The following NRF1 variants were observed in gnomAD, a reference collection of about 807,000 sequenced individuals.
The protein encoded by NRF1 is alpha palindromic-binding protein.
NRF1 carries 5 observed loss-of-function variants against 58.5 expected under a neutral mutation model. The ratio of observed to expected loss-of-function variants is 0.09; its 90% confidence interval spans 0.04 to 0.18. The LOEUF is 0.18. NRF1 is among the 10% of genes least tolerant of loss of function. NRF1 has a pLI of 1.00. For missense variants in NRF1, 288 were observed against 657.7 expected (o/e 0.44, Z 6.15); for synonymous variants, 224 against 246.7 (o/e 0.91, Z 0.86).
chr7:129,715,973 C>A (rs1803178580), intron 8 of NRF1, among the ~76,000 whole-genome samples: 1 of 151,750 alleles, frequency 6.6e-6, no homozygotes, highest in South Asian at 2.1e-4. Context: ...CCACTGCACT[C>A]CAGCCTGGGC....
chr7:129,696,128 C>T (rs987957988), intron 5 of NRF1, among the ~76,000 whole-genome samples: 15 of 150,218 alleles, frequency 1.0e-4, no homozygotes, highest in Non-Finnish European at 2.1e-4. Flanking sequence ...CCTGTAATCC[C>T]AGCTACTCAG....
intron 4 of NRF1, among the ~76,000 whole-genome samples, chr7:129,682,601 T>C (rs893539919): frequency 2.6e-4 from 35 of 134,602 alleles, no homozygotes; most frequent in Non-Finnish European, 4.4e-4. Context: ...CTAGGCAACA[T>C]AGTGAGACCC....
At chr7:129,682,729 G>A in intron 4 of NRF1, among the ~76,000 whole-genome samples, 1 of 151,760 alleles carries the variant, frequency 6.6e-6, no homozygotes. Context: ...TTGAGCCTAG[G>A]AGTTCAAGGA....
intron 10 of NRF1, among the ~76,000 whole-genome samples, chr7:129,752,643 GGAGTTC>G (rs1804147109): frequency 1.3e-5 from 2 of 152,026 alleles, no homozygotes; most frequent in Admixed American, 1.3e-4. Flanking sequence ...CTTGAGCTCA[GGAGTTC>G]AAGACCAACC....
chr7:129,624,423 G>A (rs1033751840), intron 1 of NRF1, among the ~76,000 whole-genome samples: 5 of 152,276 alleles, frequency 3.3e-5, no homozygotes, highest in South Asian at 2.1e-4. Flanking sequence ...GAAACCTGGC[G>A]AAACTCATTT....
chr7:129,658,528 G>A (rs985554809), intron 2 of NRF1, among the ~76,000 whole-genome samples: 6 of 151,536 alleles, frequency 4.0e-5, no homozygotes, highest in Admixed American at 3.3e-4. Context: ...GTGTTTGAGG[G>A]TGCAGTGAGC....
intron 1 of NRF1, chr7:129,633,884 T>G (rs1801106447): frequency 6.6e-6 from 1 of 151,492 alleles, no homozygotes; most frequent in Non-Finnish European, 1.5e-5. Flanking sequence ...ATATATAAAC[T>G]ATAAATCTGT....
chr7:129,718,628 TAA>T (rs1470651801), intron 9 of NRF1, among the ~76,000 whole-genome samples: 1 of 152,200 alleles, frequency 6.6e-6, no homozygotes, highest in African/African-American at 2.4e-5. Context: ...AATTGTATGG[TAA>T]AGACTGTGAA....
chr7:129,619,447 C>CACAT (rs1554401493), intron 1 of NRF1, among the ~76,000 whole-genome samples: 4 of 80,402 alleles, frequency 5.0e-5, no homozygotes, highest in South Asian at 4.7e-4. Flanking sequence ...CACACACACA[C>CACAT]ATATATATAC....
chr7:129,659,174 G>A (rs1287314940), intron 2 of NRF1, among the ~76,000 whole-genome samples: 1 of 145,068 alleles, frequency 6.9e-6, no homozygotes, highest in Admixed American at 7.2e-5. Context: ...TGCCTCCTGG[G>A]TTGGAGCAAC....
chr7:129,648,673 T>A (rs1801467466), intron 1 of NRF1, among the ~76,000 whole-genome samples: 1 of 152,164 alleles, frequency 6.6e-6, no homozygotes, highest in South Asian at 2.1e-4. Flanking sequence ...TGTTTCCATC[T>A]CCTGCTAATA....
intron 1 of NRF1, among the ~76,000 whole-genome samples, chr7:129,613,337 A>G (rs1002923874): frequency 2.0e-5 from 3 of 152,146 alleles, no homozygotes; most frequent in Non-Finnish European, 4.4e-5. Context: ...CCGACTCCCT[A>G]AAATTGTATT....
At chr7:129,633,152 G>T (rs1801088527) in intron 1 of NRF1, among the ~76,000 whole-genome samples, 1 of 152,160 alleles carries the variant, frequency 6.6e-6, no homozygotes, top group Non-Finnish European at 1.5e-5. Flanking sequence ...AAACACCATA[G>T]AAGTGGCATC....
chr7:129,644,026 G>A (rs1001240265), intron 1 of NRF1, among the ~76,000 whole-genome samples: 6 of 152,210 alleles, frequency 3.9e-5, no homozygotes, highest in African/African-American at 1.2e-4. Flanking sequence ...GGAGCCTGAC[G>A]AGCTTCTGAC....
intron 1 of NRF1, among the ~76,000 whole-genome samples, chr7:129,619,474 GTGTGTGTGTGTGTGTGTA>G (rs1237955424): frequency 3.7e-5 from 1 of 27,058 alleles, no homozygotes; most frequent in Non-Finnish European, 9.9e-5. Flanking sequence ...GTGTGTGTGT[GTGTGTGTGTGTGTGTGTA>G]TATATATATA....
chr7:129,744,196 G>A (rs1345279807), intron 10 of NRF1: 1 of 1,548,010 alleles, frequency 6.5e-7, no homozygotes, highest in Admixed American at 2.0e-5. Flanking sequence ...AGATCGTGCA[G>A]GTCGCAAGTG....
intron 9 of NRF1, among the ~76,000 whole-genome samples, chr7:129,719,497 A>AACAC (rs67443980): frequency 0.043 from 6,160 of 141,864 alleles, 189 homozygotes; most frequent in Non-Finnish European, 0.056. Flanking sequence ...AGGAAACTGA[A>AACAC]ACACACACAC....
chr7:129,640,378 C>T (rs1020861093), intron 1 of NRF1, among the ~76,000 whole-genome samples: 6 of 151,814 alleles, frequency 4.0e-5, no homozygotes, highest in Non-Finnish European at 5.9e-5. Context: ...ATTAGCTGGG[C>T]GTGGTGGCTC....
Position 129,638,677 on chromosome 7 carries a change from A to G in NRF1, c.-6-18669A>G, listed in dbSNP as rs189672671. ...ATGGCAACATTGGTAGTAGTCATGG[A>G]AAAATTTTGGTGATTGGTTTTTTTA... is the stretch of plus-strand genomic sequence containing the variant. On this transcript the variant is annotated intron_variant, in intron 1 of 10. Transcript: ENST00000393232. Among the ~76,000 whole-genome samples the G allele has an allele frequency of 9.3e-4, 142 of 152,310 alleles. 1 individual carries two copies. Among genetic ancestry groups the G allele is most frequent in the East Asian group, 1.2e-3 (6 of 5,182 alleles).
Sources: gnomAD v4.1 joint callset for allele counts (sites outside exome capture counted in the v4.1 genomes callset) on GRCh38, gnomAD v4.1.1 for gene constraint, MANE v1.5 for transcripts, NCBI Gene and HGNC (gene_info 2026-07-23, HGNC 2026-07-21) for gene names.